The following MORC1 variants were observed in gnomAD, a reference collection of about 807,000 sequenced individuals.
The protein encoded by MORC1 is MORC family CW-type zinc finger 1, also known as MORC family CW-type zinc finger protein 1.
A neutral mutation model predicts 134.9 loss-of-function variants in MORC1; 59 were observed. The ratio of observed to expected loss-of-function variants is 0.44; its 90% CI spans 0.35 to 0.54. The LOEUF (loss-of-function observed/expected upper bound fraction) is 0.54. Ranked by LOEUF, MORC1 falls within the 20% of genes least tolerant of loss-of-function variation. The pLI, the probability that MORC1 is intolerant of heterozygous loss-of-function variation, is 0.00. For missense variants in MORC1, 947 were observed against 1,134.5 expected (o/e 0.83, Z 2.37); for synonymous variants, 395 against 391.7 (o/e 1.01, Z -0.10).
intron 8 of MORC1, among the ~76,000 whole-genome samples, chr3:109,083,031 A>G (rs1950550879): frequency 1.3e-5 from 2 of 152,216 alleles, no homozygotes; most frequent in Admixed American, 6.5e-5. Flanking sequence ...TAAAAGCAGC[A>G]AGAGGAAAGA....
intron 21 of MORC1, among the ~76,000 whole-genome samples, chr3:109,000,182 G>C (rs900132576): frequency 6.6e-6 from 1 of 152,164 alleles, no homozygotes; most frequent in Non-Finnish European, 1.5e-5. Context: ...CTTCTGGTGA[G>C]AGTCCAAATT....
intron 8 of MORC1, among the ~76,000 whole-genome samples, chr3:109,071,232 AT>A (rs1311779143): frequency 6.6e-6 from 1 of 152,186 alleles, no homozygotes; most frequent in Non-Finnish European, 1.5e-5. Flanking sequence ...CGTCTTTATC[AT>A]TTGAAGGTAA....
At chr3:109,090,745 C>T (rs1049767483) in intron 8 of MORC1, among the ~76,000 whole-genome samples, 20 of 151,512 alleles carry the variant, frequency 1.3e-4, no homozygotes, top group Non-Finnish European at 2.2e-4. Context: ...CACATTCCTA[C>T]ACAGAAAATT....
chr3:109,104,771 T>C (rs946636136), intron 3 of MORC1, among the ~76,000 whole-genome samples: 1 of 152,178 alleles, frequency 6.6e-6, no homozygotes, highest in Admixed American at 6.5e-5. Flanking sequence ...ATAGGAGTTC[T>C]AGCACATTTC....
At chr3:109,035,568 T>C (rs1949361381) in intron 14 of MORC1, 100 bp from the exon 15 acceptor site, 1 of 697,556 alleles carries the variant, frequency 1.4e-6, no homozygotes, top group Non-Finnish European at 2.3e-6. Context: ...ATCTCAACTG[T>C]GTAAGTATTA....
intron 26 of MORC1, among the ~76,000 whole-genome samples, chr3:108,965,608 C>T (rs990657555): frequency 3.3e-5 from 5 of 152,176 alleles, no homozygotes; most frequent in Middle Eastern, 6.8e-3. Flanking sequence ...ATCCTGATTT[C>T]GGTAATGGTT....
chr3:109,103,955 CT>C (rs1950976101), intron 3 of MORC1, 38 bp from the exon 4 acceptor site: 1 of 1,563,860 alleles, frequency 6.4e-7, no homozygotes, highest in African/African-American at 1.4e-5. Flanking sequence ...AAATATCGGG[CT>C]TAATTTGTTA....
intron 21 of MORC1, among the ~76,000 whole-genome samples, chr3:108,993,068 T>C (rs991965351): frequency 2.0e-4 from 31 of 152,190 alleles, no homozygotes; most frequent in Non-Finnish European, 2.6e-4. Context: ...TTGACACAAC[T>C]GACAAACCTC....
chr3:108,972,959 A>G (rs1289087014), intron 24 of MORC1, among the ~76,000 whole-genome samples: 3 of 152,216 alleles, frequency 2.0e-5, no homozygotes, highest in Non-Finnish European at 4.4e-5. Flanking sequence ...GGTGAGAAAA[A>G]GTTCTGGATT....
intron 23 of MORC1, among the ~76,000 whole-genome samples, chr3:108,980,012 A>C (rs1351086626): frequency 1.3e-5 from 2 of 152,200 alleles, no homozygotes; most frequent in Admixed American, 6.5e-5. Flanking sequence ...TGTAAGCCTC[A>C]TGGTAACCAT....
At chr3:109,032,353 G>T (rs1949259714) in intron 16 of MORC1, among the ~76,000 whole-genome samples, 1 of 152,174 alleles carries the variant, frequency 6.6e-6, no homozygotes, top group South Asian at 2.1e-4. Flanking sequence ...AAAGCATACG[G>T]TCTAACAGTT....
intron 26 of MORC1, among the ~76,000 whole-genome samples, chr3:108,969,456 T>C (rs1947312577): frequency 6.6e-6 from 1 of 152,192 alleles, no homozygotes. Context: ...ACTCCAAGTG[T>C]TTCATAGCTT....
At chr3:108,991,279 G>C (rs1018712195) in intron 21 of MORC1, among the ~76,000 whole-genome samples, 1 of 152,202 alleles carries the variant, frequency 6.6e-6, no homozygotes, top group African/African-American at 2.4e-5. Flanking sequence ...ATTTATAGGA[G>C]TACCGCTGTA....
At chr3:109,018,939 C>T (rs1948889755) in intron 17 of MORC1, 1 of 152,100 alleles carries the variant, frequency 6.6e-6, no homozygotes, top group Non-Finnish European at 1.5e-5. Flanking sequence ...CTATTCCTCT[C>T]CCAAAGGAAG....
intron 18 of MORC1, 79 bp from the exon 19 acceptor site, chr3:109,005,394 A>G: frequency 1.5e-6 from 2 of 1,301,534 alleles, no homozygotes; most frequent in East Asian, 4.9e-5. Context: ...TCATAACCTC[A>G]TTATAATAGG....
intron 8 of MORC1, among the ~76,000 whole-genome samples, chr3:109,072,527 C>G (rs1449187958): frequency 6.6e-6 from 1 of 152,194 alleles, no homozygotes; most frequent in Non-Finnish European, 1.5e-5. Context: ...AGCTAGCGCT[C>G]TCATCAATAA....
chr3:108,996,466 C>T (rs1378136201), intron 21 of MORC1, among the ~76,000 whole-genome samples: 4 of 152,044 alleles, frequency 2.6e-5, no homozygotes, highest in African/African-American at 9.7e-5. Context: ...CAAATATCTC[C>T]GAAGGTCCAA....
In MORC1 at chr3:109,110,742, T is replaced by G; in HGVS notation, c.154+7A>C. The G allele has an allele frequency of 6.3e-7, 1 of 1,581,858 alleles. No homozygotes were observed. The highest frequency in any genetic ancestry group is 8.5e-7 in the Non-Finnish European group (1 of 1,170,954). ...AGAAAATAAAAGAAGAAAGCAAATCTGCTCACCTGAAAAGACATCAAGTCT... is the reference window on the plus strand; with the variant it reads ...AGAAAATAAAAGAAGAAAGCAAATCGGCTCACCTGAAAAGACATCAAGTCT... On this transcript the variant is annotated splice_region_variant and intron_variant, in intron 3 of 27. Coordinates refer to ENST00000232603, the MANE Select transcript of MORC1 (RefSeq NM_014429.4).
At chr3:109,028,829 G>A (rs1301404048) in intron 16 of MORC1, among the ~76,000 whole-genome samples, 1 of 152,134 alleles carries the variant, frequency 6.6e-6, no homozygotes, top group Non-Finnish European at 1.5e-5. Flanking sequence ...GCATGGAGGG[G>A]AAGGAACACG....
Sources: gnomAD v4.1 joint callset for allele counts (sites outside exome capture counted in the v4.1 genomes callset) on GRCh38, gnomAD v4.1.1 for gene constraint, MANE v1.5 for transcripts, NCBI Gene and HGNC (gene_info 2026-07-23, HGNC 2026-07-21) for gene names.